The following CEP15 variants were observed in gnomAD, a reference collection of about 807,000 sequenced individuals.
CEP15 encodes the protein centrosomal protein 15, also known as centrosomal protein 15 kDa.
At chr3:62,332,737 G>C in the CEP15 span, among the ~76,000 whole-genome samples, 5 of 151,862 alleles carry the variant, frequency 3.3e-5, no homozygotes, top group Non-Finnish European at 7.4e-5. Flanking sequence ...CACAATTAAG[G>C]GTCCAATATC....
chr3:62,321,131 G>A, the CEP15 span, among the ~76,000 whole-genome samples: 3 of 152,112 alleles, frequency 2.0e-5, no homozygotes, highest in South Asian at 6.2e-4. The surrounding 1 kb of genome is among the most constrained non-coding windows in gnomAD (Gnocchi z 4.1). Flanking sequence ...AGTGTTTCTT[G>A]AGAACCTCCA....
At chr3:62,331,208 C>T in the CEP15 span, 1 of 769,288 alleles carries the variant, frequency 1.3e-6, no homozygotes, top group South Asian at 1.7e-5. Flanking sequence ...TCCATCCATT[C>T]AGATTATATC....
At chr3:62,333,178 A>G in the CEP15 span, 26 of 1,426,506 alleles carry the variant, frequency 1.8e-5, no homozygotes, top group Non-Finnish European at 2.4e-5. This position sits in a 1 kb window ranked among gnomAD's most constrained non-coding sequence, Gnocchi z 4.0. Context: ...TCTTAAGTGA[A>G]TAAACATTTA....
the CEP15 span, among the ~76,000 whole-genome samples, chr3:62,330,510 C>T: frequency 6.6e-6 from 1 of 152,092 alleles, no homozygotes. Flanking sequence ...CATTTCTGGG[C>T]ATTTACTTCA....
At chr3:62,323,359 G>A in the CEP15 span, among the ~76,000 whole-genome samples, 2 of 152,204 alleles carry the variant, frequency 1.3e-5, 1 homozygote, top group Non-Finnish European at 2.9e-5. Flanking sequence ...AGCCTAGCCT[G>A]TGTTTCAATA....
chr3:62,321,917 G>T, the CEP15 span: 854 of 1,558,350 alleles, frequency 5.5e-4, 7 homozygotes, highest in South Asian at 6.4e-3. The surrounding 1 kb of genome is among the most constrained non-coding windows in gnomAD (Gnocchi z 4.1). Flanking sequence ...TATAATCTTC[G>T]TTTTTTTTCT....
the CEP15 span, among the ~76,000 whole-genome samples, chr3:62,325,189 T>A: frequency 1.3e-5 from 2 of 152,294 alleles, no homozygotes; most frequent in East Asian, 3.9e-4. Flanking sequence ...CAAGGAAACA[T>A]ATGCCTTAAT....
chr3:62,332,013 T>A, the CEP15 span, among the ~76,000 whole-genome samples: 7 of 152,268 alleles, frequency 4.6e-5, no homozygotes, highest in East Asian at 1.4e-3. Flanking sequence ...CAACTGGGGA[T>A]AAATAGACTC....
the CEP15 span, chr3:62,331,248 A>C: frequency 8.1e-7 from 1 of 1,240,370 alleles, no homozygotes; most frequent in Non-Finnish European, 1.2e-6. Flanking sequence ...GAGATTTGGG[A>C]TACAGATATT....
the CEP15 span, among the ~76,000 whole-genome samples, chr3:62,325,547 AAC>A: frequency 6.6e-6 from 1 of 152,226 alleles, no homozygotes; most frequent in South Asian, 2.1e-4. Flanking sequence ...GAACTTTGAA[AAC>A]ACAGGGTGGG....
chr3:62,333,428 G>T, the CEP15 span: 1 of 1,597,172 alleles, frequency 6.3e-7, no homozygotes. This position sits in a 1 kb window ranked among gnomAD's most constrained non-coding sequence, Gnocchi z 4.0. Flanking sequence ...GTTTAATAAA[G>T]CTGAATGTTA....
chr3:62,324,881 A>C, the CEP15 span, among the ~76,000 whole-genome samples: 1 of 152,262 alleles, frequency 6.6e-6, no homozygotes, highest in Middle Eastern at 3.2e-3. Context: ...ATTAAAAAGG[A>C]ATGAGCTTTC....
chr3:62,325,568 C>T, the CEP15 span, among the ~76,000 whole-genome samples: 4 of 152,066 alleles, frequency 2.6e-5, no homozygotes, highest in African/African-American at 9.7e-5. Context: ...GGTGATTTTT[C>T]CCTGTTAGTA....
the CEP15 span, chr3:62,321,886 G>A: frequency 6.9e-7 from 1 of 1,444,280 alleles, no homozygotes; most frequent in East Asian, 2.3e-5. This position sits in a 1 kb window ranked among gnomAD's most constrained non-coding sequence, Gnocchi z 4.1. Context: ...TAAAATGTTT[G>A]CTTTTACTTT....
the CEP15 span, chr3:62,331,379 C>A: frequency 1.2e-6 from 2 of 1,612,930 alleles, no homozygotes; most frequent in Admixed American, 1.7e-5. Flanking sequence ...ACTTCCACGG[C>A]CTGAGGTGGT....
chr3:62,321,917 G>A, the CEP15 span: 93 of 1,558,250 alleles, frequency 6.0e-5, no homozygotes, highest in Middle Eastern at 2.2e-4. This position sits in a 1 kb window ranked among gnomAD's most constrained non-coding sequence, Gnocchi z 4.1. Context: ...TATAATCTTC[G>A]TTTTTTTTCT....
the CEP15 span, among the ~76,000 whole-genome samples, chr3:62,323,160 A>G: frequency 1.3e-5 from 2 of 152,306 alleles, no homozygotes; most frequent in South Asian, 4.1e-4. Context: ...GGTCCTTACT[A>G]TTGAGCTAGT....
the CEP15 span, among the ~76,000 whole-genome samples, chr3:62,321,585 G>T: frequency 2.0e-5 from 3 of 151,772 alleles, no homozygotes; most frequent in Non-Finnish European, 4.4e-5. The surrounding 1 kb of genome is among the most constrained non-coding windows in gnomAD (Gnocchi z 4.1). Flanking sequence ...GTGTACAAAG[G>T]GATATGTATT....
the CEP15 span, among the ~76,000 whole-genome samples, chr3:62,330,568 G>A: frequency 6.6e-6 from 1 of 152,098 alleles, no homozygotes; most frequent in Non-Finnish European, 1.5e-5. Context: ...ATGAAGTTTA[G>A]TTACCTTGGT....
Sources: gnomAD v4.1 joint callset for allele counts (sites outside exome capture counted in the v4.1 genomes callset) on GRCh38, gnomAD v4.1.1 for gene constraint, Gnocchi (gnomAD v3.1) non-coding constraint, MANE v1.5 for transcripts, NCBI Gene and HGNC (gene_info 2026-07-23, HGNC 2026-07-21) for gene names.